The following GAPVD1 variants were observed in gnomAD, a reference collection of about 807,000 sequenced individuals.
GAPVD1 encodes the protein GTPase-activating protein and VPS9 domain-containing protein 1.
GAPVD1 carries 35 observed loss-of-function variants against 155.5 expected under a neutral mutation model. That is an observed-to-expected ratio of 0.23 (90% confidence interval 0.17 to 0.30). The LOEUF (loss-of-function observed/expected upper bound fraction) is 0.30. Among genes scored for constraint, GAPVD1 ranks in the 10% least tolerant of loss-of-function variants. The pLI is 1.00. For missense variants in GAPVD1, 1,429 were observed against 1,775.7 expected, an observed-to-expected ratio of 0.80 and a Z score of 3.51; for synonymous variants, 636 against 619.7, an observed-to-expected ratio of 1.03 and a Z score of -0.39.
At chr9:125,325,395 G>C (rs192758769) in intron 11 of GAPVD1, among the ~76,000 whole-genome samples, 2 of 150,338 alleles carry the variant, frequency 1.3e-5, no homozygotes, top group South Asian at 2.1e-4. Flanking sequence ...GGTGGCAGGC[G>C]CTTGTAGTCC....
intron 2 of GAPVD1, among the ~76,000 whole-genome samples, chr9:125,277,823 C>T (rs1477454811): frequency 6.6e-6 from 1 of 151,860 alleles, no homozygotes; most frequent in African/African-American, 2.4e-5. Flanking sequence ...GTGCATGCCA[C>T]ACCCAGCTAA....
rs569871048 is a variant in GAPVD1 at position 125,357,671 on chromosome 9, C to G, written c.3972-1749C>G. 2.0e-5 allele frequency among the ~76,000 whole-genome samples: 3 copies of G among 151,868 alleles called. No homozygotes were observed. The East Asian group carries it at 5.9e-4, about 30-fold the overall frequency. ...GCTTGTGAGTTATATCTCAATAAAG[C>G]TGTTTAAAAATATTAATCCTGGCTG... On this transcript the variant is annotated intron_variant, in intron 25 of 27. Coordinates refer to ENST00000297933, the MANE Select transcript of GAPVD1 (RefSeq NM_001282680.3).
intron 2 of GAPVD1, among the ~76,000 whole-genome samples, chr9:125,284,404 T>TCCTGACCTCATGATCCGCTCA (rs1837302678): frequency 6.6e-6 from 1 of 150,430 alleles, no homozygotes; most frequent in Admixed American, 6.6e-5. Context: ...GGTCTCGATC[T>TCCTGACCTCATGATCCGCTCA]CCTGACCTCA....
At chr9:125,265,780 C>G (rs901097490) in intron 1 of GAPVD1, among the ~76,000 whole-genome samples, 7 of 146,354 alleles carry the variant, frequency 4.8e-5, no homozygotes, top group African/African-American at 1.8e-4. Context: ...AATTTTGAAA[C>G]TACTGGCCAG....
intron 12 of GAPVD1, among the ~76,000 whole-genome samples, chr9:125,328,040 A>AT (rs956594723): frequency 2.6e-5 from 4 of 151,172 alleles, no homozygotes; most frequent in Admixed American, 6.6e-5. Flanking sequence ...TTTTTTTCTA[A>AT]TTTTTTTTCA....
intron 9 of GAPVD1, among the ~76,000 whole-genome samples, chr9:125,319,345 G>C (rs1843929487): frequency 6.7e-6 from 1 of 150,100 alleles, no homozygotes. Flanking sequence ...CTGCACTCCA[G>C]CCTGGGCGAC....
At chr9:125,302,918 A>C in intron 5 of GAPVD1, 92 bp downstream of exon 5, 1 of 1,448,838 alleles carries the variant, frequency 6.9e-7, no homozygotes, top group Non-Finnish European at 9.2e-7. Context: ...CGATGACAGT[A>C]TTTGTATATT....
In GAPVD1 at chr9:125,295,861, A is replaced by G. The variant is rs564813078; in HGVS notation, c.-33+287A>G. On this transcript the variant is annotated intron_variant, in intron 3 of 27. Coordinates refer to ENST00000297933, the MANE Select transcript of GAPVD1 (RefSeq NM_001282680.3). Reference sequence around the variant, plus strand: ...TCTTTCTATCTTGAACAATATTTCAATTGTAATTAGGTTGTGAGCTCCTTG... The same window carrying G: ...TCTTTCTATCTTGAACAATATTTCAGTTGTAATTAGGTTGTGAGCTCCTTG... 3.2e-4 allele frequency among the ~76,000 whole-genome samples: 48 copies of G among 152,236 alleles called. No individual in the cohort carries two copies. In the South Asian group the frequency reaches 8.5e-3, roughly 27 times the overall value.
At chr9:125,263,820 G>T in intron 1 of GAPVD1, 1 of 1,099,488 alleles carries the variant, frequency 9.1e-7, no homozygotes, top group Middle Eastern at 2.9e-4. Context: ...GACAGCTATG[G>T]CGTAGGGTAG....
chr9:125,346,402 C>A, intron 19 of GAPVD1: 1 of 225,766 alleles, frequency 4.4e-6, no homozygotes, highest in Non-Finnish European at 8.9e-6. Flanking sequence ...GGGTTTAAGT[C>A]TAAATTTGAA....
chr9:125,319,049 G>C (rs986684013), intron 9 of GAPVD1, among the ~76,000 whole-genome samples: 1 of 151,946 alleles, frequency 6.6e-6, no homozygotes, highest in East Asian at 1.9e-4. Flanking sequence ...GGTGGCACAT[G>C]CCTGTAATCC....
chr9:125,348,230 A>G (rs1051501962), intron 20 of GAPVD1, among the ~76,000 whole-genome samples: 3 of 151,984 alleles, frequency 2.0e-5, no homozygotes, highest in Admixed American at 6.6e-5. Context: ...TAACTTTTGT[A>G]TATTTTTGTA....
chr9:125,313,611 C>CT (rs932328091), intron 9 of GAPVD1, among the ~76,000 whole-genome samples: 36 of 150,960 alleles, frequency 2.4e-4, no homozygotes, highest in Middle Eastern at 3.4e-3. Context: ...CCATTTTTTT[C>CT]TTTTTTTTTG....
chr9:125,346,848 G>A lies in GAPVD1; in HGVS notation c.3076G>A (p.Ala1026Thr). 6.2e-7 allele frequency: 1 copy of A among 1,614,078 alleles called. No homozygotes were observed. The highest frequency in any genetic ancestry group is 8.5e-7 in the Non-Finnish European group (1 of 1,179,948). Residue 1026 changes from alanine to threonine, a missense_variant, in exon 20 of 28, where the codon GCT becomes ACT. Transcript: ENST00000297933. ...TCCCAGCCCTAGACTCAGTGCACAA[G>A]CTCAGGTGGCTGAGGATATTCTGGA... ...DDPSPRLSAQ[A>T]QVAEDILDKY...
intron 15 of GAPVD1, among the ~76,000 whole-genome samples, chr9:125,333,158 G>A (rs984748144): frequency 2.0e-5 from 3 of 151,266 alleles, no homozygotes; most frequent in African/African-American, 4.9e-5. Context: ...CTGCACTTCC[G>A]CCTCCTGGGT....
chr9:125,293,852 T>TTTTATATA (rs1839178964), intron 2 of GAPVD1, among the ~76,000 whole-genome samples: 6 of 35,188 alleles, frequency 1.7e-4, no homozygotes, highest in Non-Finnish European at 2.2e-4. Context: ...AAAATATATT[T>TTTTATATA]TATATATATA....
In GAPVD1 at chr9:125,360,728, G is replaced by A. The variant is rs762354910; in HGVS notation, c.4242+3G>A. 6.2e-7 allele frequency: 1 copy of A among 1,611,430 alleles called. No individual in the cohort carries two copies. Among genetic ancestry groups the A allele is most frequent in the African/African-American group, 1.3e-5 (1 of 74,884 alleles). On this transcript the variant is annotated splice_donor_region_variant and intron_variant, in intron 27 of 27. Transcript: ENST00000297933. ...TGTTGGTGTTTGTGTTGATAAAGGTGGGCCCCTTACTACTATCAGTTAAGG... is the reference window on the plus strand; with the variant it reads ...TGTTGGTGTTTGTGTTGATAAAGGTAGGCCCCTTACTACTATCAGTTAAGG...
chr9:125,335,738 C>T (rs1345939774), intron 15 of GAPVD1, among the ~76,000 whole-genome samples: 1 of 152,054 alleles, frequency 6.6e-6, no homozygotes, highest in African/African-American at 2.4e-5. Context: ...CTTGTATTAC[C>T]ATTTAATGGG....
chr9:125,352,116 G>C (rs914247890), intron 23 of GAPVD1, among the ~76,000 whole-genome samples: 3 of 152,158 alleles, frequency 2.0e-5, no homozygotes, highest in African/African-American at 7.2e-5. Context: ...TGCTTTCATG[G>C]GCTGGTGTGG....
Sources: gnomAD v4.1 joint callset for allele counts (sites outside exome capture counted in the v4.1 genomes callset) on GRCh38, gnomAD v4.1.1 for gene constraint, MANE v1.5 for transcripts, NCBI Gene and HGNC (gene_info 2026-07-23, HGNC 2026-07-21) for gene names.